SLC39A11: variants seen among roughly 807,000 people sequenced by gnomAD.
The protein encoded by SLC39A11 is zinc transporter ZIP11.
Under a neutral mutation model 36.1 loss-of-function variants are expected in SLC39A11, and 33 were observed. The observed-to-expected ratio is 0.91, with a 90% CI of 0.69 to 1.22. The LOEUF (loss-of-function observed/expected upper bound fraction) is 1.22, where lower values mean the gene tolerates loss of function less well. Ranked by LOEUF, SLC39A11 falls within the 50% of genes most tolerant of loss-of-function variation. The pLI is 0.00. For synonymous variants in SLC39A11, 166 were observed against 170.3 expected, an observed-to-expected ratio of 0.97 and a Z score of 0.20; for missense variants, 432 against 430.3, an observed-to-expected ratio of 1.00 and a Z score of -0.03.
intron 5 of SLC39A11, among the ~76,000 whole-genome samples, chr17:72,877,448 G>A (rs1567868849): frequency 1.3e-5 from 2 of 152,136 alleles, no homozygotes; most frequent in South Asian, 4.1e-4. Context: ...TTTCATTCTG[G>A]CCAGTGCCAC....
intron 6 of SLC39A11, among the ~76,000 whole-genome samples, chr17:72,783,359 C>T (rs2144920778): frequency 6.6e-6 from 1 of 152,340 alleles, no homozygotes; most frequent in East Asian, 1.9e-4. Flanking sequence ...CAGGGCTGTG[C>T]TGGAAAAGGC....
intron 3 of SLC39A11, among the ~76,000 whole-genome samples, chr17:73,057,508 T>C (rs924273545): frequency 6.6e-6 from 1 of 152,190 alleles, no homozygotes; most frequent in African/African-American, 2.4e-5. Flanking sequence ...CAAAAACAAA[T>C]AAAAGTGATT....
chr17:72,933,581 GCAATCTCTGCTCA>G lies in SLC39A11; in HGVS notation c.430+14158_430+14170del, dbSNP rs1030018388. Among the ~76,000 whole-genome samples, 89 of 152,276 alleles carry G rather than the reference GCAATCTCTGCTCA, an allele frequency of 5.8e-4. 1 individual carries two copies. The highest frequency in any genetic ancestry group is 2.1e-3 in the African/African-American group (87 of 41,542). ...GTCGCCCAAGCCAGAGTGCAGGGGT[GCAATCTCTGCTCA>G]CTGCAACCTCCGCCTCCCGGGTTCA... On this transcript the variant is annotated intron_variant, in intron 5 of 9. Transcript: ENST00000255559.
chr17:72,948,260 C>T (rs1370787830), intron 4 of SLC39A11, among the ~76,000 whole-genome samples: 3 of 150,866 alleles, frequency 2.0e-5, no homozygotes, highest in Non-Finnish European at 4.4e-5. Flanking sequence ...CCACTGCAAG[C>T]GTCATCGCCG....
At chr17:72,755,535 G>A (rs952887930) in intron 6 of SLC39A11, among the ~76,000 whole-genome samples, 1 of 152,270 alleles carries the variant, frequency 6.6e-6, no homozygotes, top group African/African-American at 2.4e-5. Flanking sequence ...CAGCAAGGGT[G>A]CAGGCAAGAT....
intron 3 of SLC39A11, among the ~76,000 whole-genome samples, chr17:73,046,467 A>C (rs970673288): frequency 3.3e-5 from 5 of 152,096 alleles, no homozygotes; most frequent in Non-Finnish European, 7.4e-5. Flanking sequence ...GCCCCCTCCT[A>C]GGACTGCCCG....
chr17:72,858,753 T>C (rs974066848), intron 5 of SLC39A11, among the ~76,000 whole-genome samples: 3 of 152,200 alleles, frequency 2.0e-5, no homozygotes, highest in Admixed American at 2.0e-4. Context: ...GTGAATGGTA[T>C]TGCGTTCCTG....
chr17:73,054,679 G>A (rs144130977), intron 3 of SLC39A11, among the ~76,000 whole-genome samples: 2,110 of 151,620 alleles, frequency 0.014, 50 homozygotes, highest in African/African-American at 0.049. Context: ...ATGGTGGCAT[G>A]TGCCTATAAT....
chr17:73,079,141 T>G (rs1298221574), intron 3 of SLC39A11, among the ~76,000 whole-genome samples: 1 of 152,174 alleles, frequency 6.6e-6, no homozygotes, highest in Non-Finnish European at 1.5e-5. Flanking sequence ...TTGCCCAGGC[T>G]GGAGTGCAAG....
intron 7 of SLC39A11, among the ~76,000 whole-genome samples, chr17:72,736,387 A>G (rs1036404268): frequency 6.6e-6 from 1 of 152,238 alleles, no homozygotes; most frequent in Admixed American, 6.5e-5. Context: ...TGAAGTGCTT[A>G]GAGTACAGCT....
chr17:72,770,276 G>A (rs1471419300), intron 6 of SLC39A11, among the ~76,000 whole-genome samples: 41 of 152,228 alleles, frequency 2.7e-4, no homozygotes, highest in Non-Finnish European at 4.4e-5. Flanking sequence ...TCAATTCATA[G>A]AGGCAGAAAG....
chr17:72,739,740 C>G (rs1339201000), intron 6 of SLC39A11, among the ~76,000 whole-genome samples: 2 of 152,190 alleles, frequency 1.3e-5, no homozygotes, highest in African/African-American at 4.8e-5. Flanking sequence ...TGGCTGGAGT[C>G]AGCACCACCA....
At chr17:73,006,185 G>A (rs1353865442) in intron 4 of SLC39A11, among the ~76,000 whole-genome samples, 1 of 152,068 alleles carries the variant, frequency 6.6e-6, no homozygotes, top group African/African-American at 2.4e-5. Context: ...GATTAAAAGT[G>A]TATTTTCCTT....
chr17:72,665,754 C>CT (rs527403862), intron 7 of SLC39A11, among the ~76,000 whole-genome samples: 270 of 152,194 alleles, frequency 1.8e-3, no homozygotes, highest in African/African-American at 6.2e-3. Flanking sequence ...TGAAATCTAC[C>CT]TTTTTTCTAA....
chr17:72,714,273 T>C (rs2073243563), intron 7 of SLC39A11, among the ~76,000 whole-genome samples: 1 of 152,050 alleles, frequency 6.6e-6, no homozygotes, highest in African/African-American at 2.4e-5. Flanking sequence ...GGAGGATCGC[T>C]TGAACCTGGG....
chr17:72,710,914 C>T lies in SLC39A11; in HGVS notation c.671+25736G>A, dbSNP rs548602736. 3.9e-5 allele frequency among the ~76,000 whole-genome samples: 6 copies of T among 152,324 alleles called. No individual in the cohort carries two copies. In the East Asian group the frequency reaches 9.6e-4, roughly 24 times the overall value. On this transcript the variant is annotated intron_variant, in intron 7 of 9. Transcript: ENST00000255559. ...TTCACACAGGGCTTCTGGCAAGATG[C>T]TATTTTAAACCAAATGGCCCAAAGT... is the stretch of plus-strand genomic sequence containing the variant.
intron 6 of SLC39A11, among the ~76,000 whole-genome samples, chr17:72,795,306 A>G (rs1201514801): frequency 6.6e-6 from 1 of 152,056 alleles, no homozygotes; most frequent in African/African-American, 2.4e-5. Flanking sequence ...TCCACTTCCA[A>G]GCTCACCTGT....
At chr17:72,854,005 GA>G (rs2079506930) in intron 5 of SLC39A11, among the ~76,000 whole-genome samples, 1 of 152,168 alleles carries the variant, frequency 6.6e-6, no homozygotes, top group South Asian at 2.1e-4. Context: ...AGGAGGAGTA[GA>G]GGGGGGACTA....
intron 7 of SLC39A11, among the ~76,000 whole-genome samples, chr17:72,729,726 T>C (rs1393218679): frequency 6.6e-6 from 1 of 151,542 alleles, no homozygotes; most frequent in Non-Finnish European, 1.5e-5. Flanking sequence ...CTACCTGCCC[T>C]TATCATCCCC....
Sources: allele counts gnomAD v4.1 joint callset (sites outside exome capture counted in the v4.1 genomes callset), GRCh38; gene constraint gnomAD v4.1.1; transcripts MANE v1.5; gene names NCBI Gene and HGNC (gene_info 2026-07-23, HGNC 2026-07-21).